The following TEC variants were observed in gnomAD, a reference collection of about 807,000 sequenced individuals.
The protein encoded by TEC is tyrosine-protein kinase Tec.
In TEC, 72 loss-of-function variants were observed where a neutral mutation model predicts 93.0. The ratio of observed to expected loss-of-function variants is 0.77; its 90% CI spans 0.64 to 0.94. TEC has a LOEUF of 0.94. Ranked by LOEUF, TEC falls within the 40% of genes least tolerant of loss-of-function variation. The probability of loss-of-function intolerance (pLI) is 0.00; values close to 1 mark genes in which losing one functional copy is unlikely to be tolerated. For synonymous variants in TEC, 249 were observed against 247.7 expected, an observed-to-expected ratio of 1.01 and a Z score of -0.05; for missense variants, 630 against 757.9, an observed-to-expected ratio of 0.83 and a Z score of 1.98.
chr4:48,167,187 G>A (rs1301485824), intron 7 of TEC, among the ~76,000 whole-genome samples: 2 of 151,552 alleles, frequency 1.3e-5, no homozygotes, highest in Non-Finnish European at 2.9e-5. Context: ...AAATTAACTT[G>A]TACAAAAAAA....
At chr4:48,144,982 A>G in intron 14 of TEC, 97 bp downstream of exon 14, 3 of 1,066,936 alleles carry the variant, frequency 2.8e-6, no homozygotes, top group Non-Finnish European at 4.3e-6. Flanking sequence ...GATTGTTAAG[A>G]ACAAAAATTG....
intron 2 of TEC, among the ~76,000 whole-genome samples, chr4:48,185,349 C>T (rs1436162382): frequency 6.6e-5 from 10 of 151,624 alleles, no homozygotes; most frequent in Admixed American, 3.9e-4. Context: ...TTAAGAGAAA[C>T]GAAAAAAAGG....
intron 2 of TEC, among the ~76,000 whole-genome samples, chr4:48,202,524 C>A (rs207464679): frequency 1.3e-5 from 2 of 152,114 alleles, no homozygotes; most frequent in Admixed American, 6.6e-5. Flanking sequence ...CAAAATCGCC[C>A]CACTGCACTC....
chr4:48,245,273 CACA>C (rs1724024773), intron 1 of TEC, among the ~76,000 whole-genome samples: 1 of 144,514 alleles, frequency 6.9e-6, no homozygotes, highest in Non-Finnish European at 1.5e-5. Context: ...AGCCTGGCAA[CACA>C]ACGAGAGTCC....
At position 48,176,063 on chromosome 4, in the gene TEC, C is replaced by A. The variant is rs1396193094; in HGVS notation, c.243+19G>T. On this transcript the variant is annotated intron_variant, in intron 3 of 17. Coordinates refer to ENST00000381501, the MANE Select transcript of TEC (RefSeq NM_003215.3). ...GACTAAGCCCAGCACTGCACTGCCA[C>A]AAAAATACACCAGCTCACCTGAAAT... The A allele has an allele frequency of 6.3e-7, 1 of 1,598,662 alleles. No homozygotes were observed. The highest frequency in any genetic ancestry group is 2.2e-5 in the East Asian group (1 of 44,816).
intron 2 of TEC, among the ~76,000 whole-genome samples, chr4:48,212,110 A>AAAAAATATATATATATATAT: frequency 3.3e-5 from 4 of 122,264 alleles, no homozygotes; most frequent in Admixed American, 9.9e-5. Context: ...AAAAAAAAAA[A>AAAAAATATATATATATATAT]ATATATATAT....
At chr4:48,237,863 TA>T (rs1407435816) in intron 1 of TEC, among the ~76,000 whole-genome samples, 1 of 152,218 alleles carries the variant, frequency 6.6e-6, no homozygotes, top group East Asian at 1.9e-4. Context: ...GTGACAAAGT[TA>T]CTATTTGTTT....
intron 2 of TEC, among the ~76,000 whole-genome samples, chr4:48,211,082 A>G (rs752249828): frequency 1.8e-4 from 28 of 152,318 alleles, no homozygotes; most frequent in Non-Finnish European, 3.5e-4. Context: ...AGAGAGATTA[A>G]GTAATTTGTC....
At chr4:48,193,314 A>G (rs922826469) in intron 2 of TEC, among the ~76,000 whole-genome samples, 1 of 152,034 alleles carries the variant, frequency 6.6e-6, no homozygotes, top group African/African-American at 2.4e-5. Context: ...GTTTTTGCTC[A>G]TATTTTTTAT....
At chr4:48,157,372 T>A (rs1720444442) in intron 8 of TEC, among the ~76,000 whole-genome samples, 1 of 152,156 alleles carries the variant, frequency 6.6e-6, no homozygotes, top group Admixed American at 6.5e-5. Context: ...GTCTTCAGAC[T>A]TACTGGTTTC....
At chr4:48,165,003 T>C (rs1261938757) in intron 7 of TEC, among the ~76,000 whole-genome samples, 1 of 151,522 alleles carries the variant, frequency 6.6e-6, no homozygotes, top group East Asian at 1.9e-4. Context: ...AGAACGAGAC[T>C]CCATCTCAAA....
chr4:48,193,778 T>G (rs1031588484), intron 2 of TEC, among the ~76,000 whole-genome samples: 4 of 38,382 alleles, frequency 1.0e-4, no homozygotes, highest in South Asian at 9.3e-4. Context: ...TGTGTTAGGG[T>G]TTTTTTTTTA....
chr4:48,141,466 T>C (rs778796277), intron 14 of TEC, 47 bp from the exon 15 acceptor site: 1 of 1,560,004 alleles, frequency 6.4e-7, no homozygotes, highest in Admixed American at 1.7e-5. Flanking sequence ...AATTCTATCA[T>C]TTAAGTAGGA....
At chr4:48,242,378 C>T (rs1411959882) in intron 1 of TEC, among the ~76,000 whole-genome samples, 4 of 152,148 alleles carry the variant, frequency 2.6e-5, no homozygotes, top group East Asian at 3.8e-4. Context: ...ATTGGGTATT[C>T]GGTAAGTATT....
chr4:48,250,764 G>A (rs1204087888), intron 1 of TEC, among the ~76,000 whole-genome samples: 1 of 152,192 alleles, frequency 6.6e-6, no homozygotes, highest in African/African-American at 2.4e-5. Flanking sequence ...ATATTGCAGA[G>A]CTGCCTACCT....
At chr4:48,151,688 C>T (rs1720173117) in intron 9 of TEC, among the ~76,000 whole-genome samples, 1 of 152,208 alleles carries the variant, frequency 6.6e-6, no homozygotes, top group African/African-American at 2.4e-5. Flanking sequence ...GGTTTCACTA[C>T]ATTGGCCAGC....
chr4:48,172,435 C>CTTTTTTTT (rs71654897), intron 3 of TEC, among the ~76,000 whole-genome samples: 1 of 146,848 alleles, frequency 6.8e-6, no homozygotes. Context: ...AAGGAATGTA[C>CTTTTTTTT]TTTTTTTTTT....
rs76851551 is a variant in TEC at position 48,207,052 on chromosome 4, C to T, written c.138+21425G>A. On this transcript the variant is annotated intron_variant, in intron 2 of 17. Coordinates refer to ENST00000381501, the MANE Select transcript of TEC (RefSeq NM_003215.3). ...AGACAGAGATCTTCTGCACCGTTGACAGGAATCCAAGAAAGGTAGAATTTG... is the reference window on the plus strand; with the variant it reads ...AGACAGAGATCTTCTGCACCGTTGATAGGAATCCAAGAAAGGTAGAATTTG... Among the ~76,000 whole-genome samples, 856 of 152,224 alleles carry T rather than the reference C, an allele frequency of 5.6e-3. 12 individuals are homozygous for T. The highest frequency in any genetic ancestry group is 0.019 in the African/African-American group (789 of 41,516).
chr4:48,199,296 C>T (rs962271846), intron 2 of TEC, among the ~76,000 whole-genome samples: 2 of 152,120 alleles, frequency 1.3e-5, no homozygotes, highest in African/African-American at 4.8e-5. Flanking sequence ...AAATCTGTAT[C>T]TCTAAACTAC....
Sources: gnomAD v4.1 joint callset for allele counts (sites outside exome capture counted in the v4.1 genomes callset) on GRCh38, gnomAD v4.1.1 for gene constraint, MANE v1.5 for transcripts, NCBI Gene and HGNC (gene_info 2026-07-23, HGNC 2026-07-21) for gene names.